Variants in SAMD9 observed in about 807,000 individuals in gnomAD.
The protein encoded by SAMD9 is sterile alpha motif domain-containing protein 9.
A neutral mutation model predicts 1.5 loss-of-function variants in SAMD9; 3 were observed. The observed-to-expected ratio is 2.05, with a 90% CI of 0.93 to 5.29. SAMD9 has a LOEUF of 5.29. SAMD9 is among the 30% of genes most tolerant of loss of function. SAMD9 has a pLI of 0.02. For missense variants in SAMD9, 1,597 were observed against 1,820.8 expected (o/e 0.88, Z 2.24); for synonymous variants, 635 against 631.9 (o/e 1.00, Z -0.07).
Position 93,100,314 on chromosome 7 carries a change from A to AT in SAMD9, c.*1013dup, listed in dbSNP as rs1474176732. ...ATTTGGCAAGACCATGTCACGGGTG[A>AT]TGTGTGCACTCCTATAGTACTTCCA... On this transcript the variant is annotated 3_prime_UTR_variant, in exon 3 of 3. Coordinates refer to ENST00000379958, the MANE Select transcript of SAMD9 (RefSeq NM_017654.4). 5.9e-5 allele frequency: 9 copies of AT among 152,116 alleles called. No individual in the cohort carries two copies. The highest frequency in any genetic ancestry group is 1.7e-4 in the African/African-American group (7 of 41,416). 9.4% of individuals were successfully genotyped at this position (152,116 alleles called of 1,614,324 possible).
In SAMD9 at chr7:93,102,581, T is replaced by C; in HGVS notation, c.3517A>G (p.Arg1173Gly). The C allele has an allele frequency of 6.2e-7, 1 of 1,613,890 alleles. No homozygotes were observed. The highest frequency in any genetic ancestry group is 8.5e-7 in the Non-Finnish European group (1 of 1,179,788). The change falls in exon 3 of 3, where the codon AGA (arginine) becomes GGA (glycine). Residue 1173 changes from arginine (R) to glycine (G), a missense_variant. Physicochemically the swap from Arg to Gly is moderately radical, Grantham distance 125. This residue lies in a region of SAMD9 where 682 missense variants were observed against 810.0 expected (regional missense o/e 0.84). Transcript: ENST00000379958. Reference sequence around the variant, plus strand: ...AATCTTTCCTTCACTTCATACTCTCTATCTTCACTTTGCTGTTGAGATTCT... The same window carrying C: ...AATCTTTCCTTCACTTCATACTCTCCATCTTCACTTTGCTGTTGAGATTCT... Reference protein sequence around the residue: ...FKESQQQSEDREYEVKERLYP... With the variant: ...FKESQQQSEDGEYEVKERLYP...
intron 1 of SAMD9, among the ~76,000 whole-genome samples, chr7:93,116,748 T>C (rs1225476339): frequency 6.6e-6 from 1 of 152,046 alleles, no homozygotes; most frequent in Non-Finnish European, 1.5e-5. Flanking sequence ...GGAGAAAAGG[T>C]GAAATGAGGG....
intron 1 of SAMD9, among the ~76,000 whole-genome samples, chr7:93,116,010 G>A (rs994990348): frequency 2.6e-5 from 4 of 152,078 alleles, no homozygotes; most frequent in African/African-American, 9.7e-5. Context: ...GCTCACTTTT[G>A]TTGCACCCAC....
rs1432292521 is a variant in SAMD9, at chr7:93,101,332, A to G, written c.4766T>C (p.Val1589Ala). ...TGGAGGAAGAATATCAGGCTCTTAA[A>G]CAATTTCAATGTCATAAGCAAGTGG... is the stretch of plus-strand genomic sequence containing the variant. ...GGPLAYDIEI[V>A] Residue 1589 changes from valine to alanine, a missense_variant, in exon 3 of 3, where the codon GTT becomes GCT. Physicochemically the swap from Val to Ala is moderately conservative, Grantham distance 64. This residue lies in a region of SAMD9 where 682 missense variants were observed against 810.0 expected (regional missense o/e 0.84). Coordinates refer to ENST00000379958, the MANE Select transcript of SAMD9 (RefSeq NM_017654.4). The G allele has an allele frequency of 6.2e-7, 1 of 1,610,752 alleles. No individual in the cohort carries two copies. Among genetic ancestry groups the G allele is most frequent in the Non-Finnish European group, 8.5e-7 (1 of 1,179,036 alleles).
At position 93,102,067 on chromosome 7, in the gene SAMD9, A is replaced by G; in HGVS notation, c.4031T>C (p.Phe1344Ser). Residue 1344 changes from phenylalanine (F) to serine (S), a missense_variant, in exon 3 of 3, where the codon TTT (phenylalanine) becomes TCT (serine). Phe to Ser is a radical substitution (Grantham distance 155). Transcript: ENST00000379958. The stretch of plus-strand genomic sequence containing the variant: ...GATAAGATATTCCAAGAGCCCAGAA[A>G]ACTTGTCTGCTTTTAAAGCTACTAG... ...RNLVALKADKFSGLLEYLIKS... is the reference protein window; with the variant it reads ...RNLVALKADKSSGLLEYLIKS... 2 of 1,613,210 alleles carry G rather than the reference A, an allele frequency of 1.2e-6. No individual in the cohort carries two copies. Among genetic ancestry groups the G allele is most frequent in the South Asian group, 2.2e-5 (2 of 91,076 alleles).
chr7:93,101,889 T>C lies in SAMD9; in HGVS notation c.4209A>G (p.Arg1403=). 1 of 1,613,868 alleles carries C rather than the reference T, an allele frequency of 6.2e-7. No homozygotes were observed. Among genetic ancestry groups the C allele is most frequent in the Non-Finnish European group, 8.5e-7 (1 of 1,179,784 alleles). Residue 1403 remains arginine (R), a synonymous_variant, in exon 3 of 3, where the codon AGA becomes AGG. Coordinates refer to ENST00000379958, the MANE Select transcript of SAMD9 (RefSeq NM_017654.4). ...IILSCIQPTS[R]LVKPVEKLKD... ...TTAGTTTTTCAACTGGCTTTACTAA[T>C]CTGGAGGTAGGTTGGATACAGGAGA...
At position 93,102,935 on chromosome 7, in the gene SAMD9, T is replaced by C. The variant is rs1791561656; in HGVS notation, c.3163A>G (p.Ile1055Val). The C allele has an allele frequency of 6.2e-7, 1 of 1,613,820 alleles. No individual in the cohort carries two copies. The highest frequency in any genetic ancestry group is 1.3e-5 in the African/African-American group (1 of 74,934). Reference protein sequence around the residue: ...GETGNWFSPFIEALHKDEGNE... With the variant: ...GETGNWFSPFVEALHKDEGNE... The stretch of plus-strand genomic sequence containing the variant: ...CCTTCATCTTTATGTAATGCTTCAA[T>C]AAATGGGGAAAACCAATTTCCTGTT... The change falls in exon 3 of 3, where the codon ATT becomes GTT. Residue 1055 changes from isoleucine (I) to valine (V), a missense_variant. Coordinates refer to ENST00000379958, the MANE Select transcript of SAMD9 (RefSeq NM_017654.4).
chr7:93,109,545 T>C (rs1791703736), intron 2 of SAMD9, among the ~76,000 whole-genome samples: 1 of 152,194 alleles, frequency 6.6e-6, no homozygotes, highest in South Asian at 2.1e-4. Context: ...ATTGCAAAGA[T>C]GTTAAAACCT....
rs577086382 is a variant in SAMD9 at position 93,114,214 on chromosome 7, A to T, written c.-9+581T>A. 2.0e-5 allele frequency among the ~76,000 whole-genome samples: 3 copies of T among 150,418 alleles called. No individual in the cohort carries two copies. In the South Asian group the frequency reaches 6.3e-4, roughly 32 times the overall value. On this transcript the variant is annotated intron_variant, in intron 2 of 2. Coordinates refer to ENST00000379958, the MANE Select transcript of SAMD9 (RefSeq NM_017654.4). Reference sequence around the variant, plus strand: ...TGTTGCCAAGGACAGAAAGTCAAACACCACATGTTCTCACTCACAGGTGGG... The same window carrying T: ...TGTTGCCAAGGACAGAAAGTCAAACTCCACATGTTCTCACTCACAGGTGGG...
Position 93,103,566 on chromosome 7 carries a change from A to G in SAMD9, c.2532T>C (p.Ser844=). Reference sequence around the variant, plus strand: ...CGGCAATACTGTCTGGGATCCTTGCACTTTTTTCAGGATTTTGTGATCTCA... The same window carrying G: ...CGGCAATACTGTCTGGGATCCTTGCGCTTTTTTCAGGATTTTGTGATCTCA... ...NCMRSQNPEK[S]ARIPDSIAVI... Residue 844 remains serine (S), a synonymous_variant, in exon 3 of 3, where the codon AGT becomes AGC. Transcript: ENST00000379958. 1.2e-6 allele frequency: 2 copies of G among 1,613,282 alleles called. No homozygotes were observed. The highest frequency in any genetic ancestry group is 1.7e-4 in the Middle Eastern group (1 of 6,058).
At position 93,104,113 on chromosome 7, in the gene SAMD9, C is replaced by G; in HGVS notation, c.1985G>C (p.Gly662Ala). The G allele has an allele frequency of 6.2e-7, 1 of 1,613,866 alleles. No homozygotes were observed. The highest frequency in any genetic ancestry group is 1.1e-5 in the South Asian group (1 of 91,082). The change falls in exon 3 of 3, where the codon GGT (glycine) becomes GCT (alanine). Residue 662 changes from glycine to alanine, a missense_variant. Around this residue, in one of 6 missense-constraint regions of SAMD9, gnomAD observed 358 missense variants for 460.4 expected, o/e 0.78. Transcript: ENST00000379958. ...ATTTTTGTCCTTCTCTAACAGTGTA[C>G]CCTCACATTCATTTTCACAGATAAT... ...LEIICENECE[G>A]TLLEKDKNKF... is the part of the protein sequence containing the mutation.
In SAMD9 at chr7:93,105,258, T is replaced by C; in HGVS notation, c.840A>G (p.Ala280=). The C allele has an allele frequency of 6.2e-7, 1 of 1,613,988 alleles. No homozygotes were observed. The highest frequency in any genetic ancestry group is 1.1e-5 in the South Asian group (1 of 91,080). ...ATCTTGGCTCTCGAATGCACTTCTT[T>C]GCTTGTTGGACTTGATGGTCTTCAA... ...KYFEDHQVQQ[A]KKCIREPRFV... Residue 280 remains alanine, a synonymous_variant, in exon 3 of 3, where the codon GCA becomes GCG. Transcript: ENST00000379958.
At chr7:93,112,211 A>G (rs1791757642) in intron 2 of SAMD9, among the ~76,000 whole-genome samples, 2 of 151,748 alleles carry the variant, frequency 1.3e-5, no homozygotes, top group Admixed American at 1.3e-4. Flanking sequence ...AAACCACATC[A>G]TTATCTCAAT....
intron 2 of SAMD9, among the ~76,000 whole-genome samples, chr7:93,108,601 C>G (rs1479604164): frequency 1.3e-5 from 2 of 152,198 alleles, no homozygotes; most frequent in Non-Finnish European, 2.9e-5. Flanking sequence ...CACTCCCACC[C>G]TAATACTGTG....
In SAMD9 at chr7:93,105,635, G is replaced by T; in HGVS notation, c.463C>A (p.Pro155Thr). 2 of 1,614,104 alleles carry T rather than the reference G, an allele frequency of 1.2e-6. No individual in the cohort carries two copies. The highest frequency in any genetic ancestry group is 1.7e-6 in the Non-Finnish European group (2 of 1,179,988). Reference protein sequence around the residue: ...DKIDYTKERQPSIDLTCVSYP... With the variant: ...DKIDYTKERQTSIDLTCVSYP... Reference sequence around the variant, plus strand: ...GATACACATGTCAGGTCTATGGATGGTTGCCTTTCCTTTGTATAATCTATT... The same window carrying T: ...GATACACATGTCAGGTCTATGGATGTTTGCCTTTCCTTTGTATAATCTATT... The change falls in exon 3 of 3, where the codon CCA becomes ACA. Residue 155 changes from proline (P) to threonine (T), a missense_variant. Physicochemically the swap from Pro to Thr is conservative, Grantham distance 38 (BLOSUM62 -1). Around this residue, in one of 6 missense-constraint regions of SAMD9, gnomAD observed 498 missense variants for 457.4 expected, o/e 1.09. Coordinates refer to ENST00000379958, the MANE Select transcript of SAMD9 (RefSeq NM_017654.4).
At chr7:93,115,460 G>A (rs1405946533) in intron 1 of SAMD9, among the ~76,000 whole-genome samples, 2 of 152,128 alleles carry the variant, frequency 1.3e-5, no homozygotes, top group Non-Finnish European at 2.9e-5. Context: ...AAAACATATT[G>A]TAGAATTCTA....
At position 93,104,443 on chromosome 7, in the gene SAMD9, G is replaced by T. The variant is rs1373912469; in HGVS notation, c.1655C>A (p.Pro552Gln). The T allele has an allele frequency of 3.7e-6, 6 of 1,613,768 alleles. No homozygotes were observed. The Admixed American group carries it at 1.0e-4, about 27-fold the overall frequency. Residue 552 changes from proline (P) to glutamine (Q), a missense_variant, in exon 3 of 3, where the codon CCA (proline) becomes CAA (glutamine). Around this residue, in one of 6 missense-constraint regions of SAMD9, gnomAD observed 358 missense variants for 460.4 expected, o/e 0.78. Transcript: ENST00000379958. ...VFLLLSSVDDPRDPLIETFCA... is the reference protein window; with the variant it reads ...VFLLLSSVDDQRDPLIETFCA... ...GAAAGTCTCAATGAGGGGATCTCTT[G>T]GGTCATCCACAGAGGACAGTAATAG...
At chr7:93,110,570 G>A (rs1010917894) in intron 2 of SAMD9, among the ~76,000 whole-genome samples, 1 of 152,170 alleles carries the variant, frequency 6.6e-6, no homozygotes, top group Non-Finnish European at 1.5e-5. Context: ...CATCTCATGT[G>A]CAGAGACACA....
Position 93,103,635 on chromosome 7 carries a change from C to CT in SAMD9, c.2462dup (p.Tyr822ValfsTer5), listed in dbSNP as rs1481638551. 1.2e-6 allele frequency: 2 copies of CT among 1,613,556 alleles called. No individual in the cohort carries two copies. The highest frequency in any genetic ancestry group is 2.7e-5 in the African/African-American group (2 of 74,866). ...CCAGAGGTTTTTCATATCGAATGTACTTTTTAGCTATAGCTGTTTGAATAG... is the reference window on the plus strand; with the variant it reads ...CCAGAGGTTTTTCATATCGAATGTACTTTTTTAGCTATAGCTGTTTGAATAG... On this transcript the variant is annotated frameshift_variant, in exon 3 of 3. Transcript: ENST00000379958. LOFTEE classifies it low-confidence loss of function (END_TRUNC).
Sources: gnomAD v4.1 joint callset for allele counts (sites outside exome capture counted in the v4.1 genomes callset) on GRCh38, gnomAD v4.1.1 for gene constraint, gnomAD v4.1.1 regional missense constraint, MANE v1.5 for transcripts, NCBI Gene and HGNC (gene_info 2026-07-23, HGNC 2026-07-21) for gene names.